ZC3H7A: variants seen among roughly 807,000 people sequenced by gnomAD.
ZC3H7A encodes the protein zinc finger CCCH domain-containing protein 7A.
In ZC3H7A, 44 loss-of-function variants were observed where a neutral mutation model predicts 125.5. That is an observed-to-expected ratio of 0.35 (90% CI 0.28 to 0.45). ZC3H7A has a LOEUF of 0.45. Ranked by LOEUF, ZC3H7A falls within the 20% of genes least tolerant of loss-of-function variation. ZC3H7A has a pLI of 1.00. For missense variants in ZC3H7A, 977 were observed against 1,170.7 expected (o/e 0.83, Z 2.41); for synonymous variants, 399 against 391.2 (o/e 1.02, Z -0.23).
chr16:11,772,975 G>A (rs949799235), intron 9 of ZC3H7A, among the ~76,000 whole-genome samples: 17 of 151,818 alleles, frequency 1.1e-4, no homozygotes, highest in Admixed American at 3.9e-4. Context: ...ACAGGTGTGC[G>A]CCACTGCACC....
intron 9 of ZC3H7A, among the ~76,000 whole-genome samples, chr16:11,772,064 C>T (rs1053612204): frequency 2.0e-5 from 3 of 151,688 alleles, no homozygotes; most frequent in African/African-American, 7.3e-5. Context: ...GGCGTGGTAG[C>T]GGGCACCTGT....
At chr16:11,770,758 T>C (rs778969086) in intron 10 of ZC3H7A, 25 bp downstream of exon 10, 1 of 1,585,250 alleles carries the variant, frequency 6.3e-7, no homozygotes, top group South Asian at 1.1e-5. Flanking sequence ...ACTGCAATTG[T>C]TTACAATTTA....
chr16:11,773,983 TG>T (rs2053034741), intron 9 of ZC3H7A, among the ~76,000 whole-genome samples: 1 of 152,184 alleles, frequency 6.6e-6, no homozygotes, highest in South Asian at 2.1e-4. Flanking sequence ...ATGTTATCTT[TG>T]CCCTTTCCAT....
intron 3 of ZC3H7A, among the ~76,000 whole-genome samples, chr16:11,780,414 C>A (rs1351639842): frequency 6.6e-6 from 1 of 152,108 alleles, no homozygotes; most frequent in African/African-American, 2.4e-5. Flanking sequence ...AGCCACCACG[C>A]CTGGCCATAA....
At chr16:11,779,463 G>C in intron 3 of ZC3H7A, 100 bp from the exon 4 acceptor site, 1 of 1,012,036 alleles carries the variant, frequency 9.9e-7, no homozygotes, top group East Asian at 2.6e-5. Flanking sequence ...GAAACAATGT[G>C]ACAGAACAGC....
chr16:11,754,224 A>C (rs142294163), intron 21 of ZC3H7A, among the ~76,000 whole-genome samples: 1 of 140,200 alleles, frequency 7.1e-6, no homozygotes, highest in Non-Finnish European at 1.5e-5. Context: ...CCCAGGAGGT[A>C]GTGGCTGCAG....
rs749133352 is a variant in ZC3H7A at position 11,774,393 on chromosome 16, T to G, written c.746A>C (p.Gln249Pro). The G allele has an allele frequency of 6.0e-5, 97 of 1,613,570 alleles. No homozygotes were observed. The highest frequency in any genetic ancestry group is 8.0e-5 in the Non-Finnish European group (94 of 1,179,780). Residue 249 changes from glutamine to proline, a missense_variant, in exon 9 of 23, where the codon CAA becomes CCA. Physicochemically the swap from Gln to Pro is moderately conservative, Grantham distance 76 (BLOSUM62 -1). Coordinates refer to ENST00000355758, the MANE Select transcript of ZC3H7A (RefSeq NM_014153.4). ...AGATGGCAGAGCGCTCTCTTCCACT[T>G]GTAGTGGCAAAATAGAAGTTAAGGG... ...VMPLTSILPL[Q>P]VEESALPSAV...
intron 15 of ZC3H7A, among the ~76,000 whole-genome samples, chr16:11,764,480 C>T (rs1461755738): frequency 5.9e-5 from 9 of 152,060 alleles, no homozygotes; most frequent in Non-Finnish European, 1.2e-4. Flanking sequence ...ACTCGGGAGG[C>T]GGAGGTTGCA....
intron 21 of ZC3H7A, among the ~76,000 whole-genome samples, chr16:11,755,744 A>C (rs768982012): frequency 6.6e-6 from 1 of 152,228 alleles, no homozygotes; most frequent in Non-Finnish European, 1.5e-5. Context: ...AGAAGGATTG[A>C]AGAAAGGATT....
chr16:11,775,387 GA>G (rs2053062818), intron 7 of ZC3H7A: 1 of 159,598 alleles, frequency 6.3e-6, no homozygotes, highest in African/African-American at 2.5e-5. Context: ...AAAAAAAAAA[GA>G]AAAAAAGAAA....
chr16:11,760,226 A>G (rs2052730052), intron 19 of ZC3H7A, among the ~76,000 whole-genome samples: 1 of 152,062 alleles, frequency 6.6e-6, no homozygotes, highest in African/African-American at 2.4e-5. Context: ...GCACAGTAGT[A>G]CACCATGTTC....
In ZC3H7A at chr16:11,770,843, A is replaced by T. The variant is rs2052966664; in HGVS notation, c.1048T>A (p.Ser350Thr). 1 of 1,614,206 alleles carries T rather than the reference A, an allele frequency of 6.2e-7. No homozygotes were observed. Among genetic ancestry groups the T allele is most frequent in the Non-Finnish European group, 8.5e-7 (1 of 1,180,036 alleles). ...GAAGAACAAAAATCTTCTAAGGATG[A>T]AGTCAAAGGTGGATAAAATTCTGAG... The part of the protein sequence containing the change: ...SFSEFYPPLT[S>T]SLEDFCSSLN... The change falls in exon 10 of 23, where the codon TCA becomes ACA. Residue 350 changes from serine (S) to threonine (T), a missense_variant. Transcript: ENST00000355758.
chr16:11,780,363 C>T (rs145290119), intron 3 of ZC3H7A, among the ~76,000 whole-genome samples: 11 of 152,158 alleles, frequency 7.2e-5, no homozygotes, highest in South Asian at 2.1e-4. Flanking sequence ...TCAAGTGATC[C>T]GCCTGCTTCA....
At chr16:11,763,409 C>G in intron 16 of ZC3H7A, 69 bp downstream of exon 16, 1 of 1,482,496 alleles carries the variant, frequency 6.7e-7, no homozygotes, top group Non-Finnish European at 9.1e-7. Flanking sequence ...ACGCCAGGCC[C>G]AAATTACTGT....
intron 2 of ZC3H7A, 70 bp downstream of exon 2, chr16:11,782,217 C>T: frequency 1.9e-6 from 3 of 1,564,304 alleles, no homozygotes; most frequent in Non-Finnish European, 2.6e-6. Context: ...AGTTCTTCCT[C>T]TCCACAAAAC....
At chr16:11,773,581 TTAAGAA>T (rs1312689487) in intron 9 of ZC3H7A, among the ~76,000 whole-genome samples, 5 of 151,984 alleles carry the variant, frequency 3.3e-5, no homozygotes, top group African/African-American at 1.2e-4. Flanking sequence ...AGGATTATCT[TTAAGAA>T]TAAGAAGTCC....
intron 1 of ZC3H7A, among the ~76,000 whole-genome samples, chr16:11,786,224 G>C (rs1348441728): frequency 6.6e-6 from 1 of 152,102 alleles, no homozygotes; most frequent in African/African-American, 2.4e-5. Flanking sequence ...GCTAAAACAG[G>C]GCAATTTACT....
chr16:11,760,571 G>A (rs2052736857), intron 19 of ZC3H7A, among the ~76,000 whole-genome samples: 1 of 152,172 alleles, frequency 6.6e-6, no homozygotes, highest in African/African-American at 2.4e-5. Flanking sequence ...TTCAGAGAGA[G>A]GCCTCATTTA....
intron 1 of ZC3H7A, among the ~76,000 whole-genome samples, chr16:11,792,936 T>A (rs2053377070): frequency 6.6e-6 from 1 of 152,138 alleles, no homozygotes; most frequent in South Asian, 2.1e-4. Flanking sequence ...AACACACGCA[T>A]GCGTGTGCAC....
Sources: gnomAD v4.1 joint callset for allele counts (sites outside exome capture counted in the v4.1 genomes callset) on GRCh38, gnomAD v4.1.1 for gene constraint, MANE v1.5 for transcripts, NCBI Gene and HGNC (gene_info 2026-07-23, HGNC 2026-07-21) for gene names.